Variants in SLC5A3 observed in about 807,000 individuals in gnomAD.
The protein encoded by SLC5A3 is solute carrier family 5 member 3, also known as sodium/myo-inositol cotransporter.
A neutral mutation model predicts 43.2 loss-of-function variants in SLC5A3; 10 were observed. The observed-to-expected ratio is 0.23, with a 90% CI of 0.14 to 0.39. SLC5A3 has a LOEUF of 0.39. Ranked by LOEUF, SLC5A3 falls within the 10% of genes least tolerant of loss-of-function variation. The pLI is 1.00. For missense variants in SLC5A3, 608 were observed against 893.4 expected, an observed-to-expected ratio of 0.68 and a Z score of 4.07; for synonymous variants, 349 against 322.0, an observed-to-expected ratio of 1.08 and a Z score of -0.90.
chr21:34,075,406 AT>A (rs952143575), intron 1 of SLC5A3, among the ~76,000 whole-genome samples: 9 of 151,292 alleles, frequency 5.9e-5, no homozygotes, highest in African/African-American at 1.9e-4. Flanking sequence ...TTCTTTTACC[AT>A]TTTTTTTTAT....
intron 1 of SLC5A3, among the ~76,000 whole-genome samples, chr21:34,086,133 T>C (rs1978361564): frequency 6.6e-6 from 1 of 152,206 alleles, no homozygotes; most frequent in Non-Finnish European, 1.5e-5. Flanking sequence ...GCTGGTCACT[T>C]ATGCTGTTTA....
chr21:34,076,835 TTA>T (rs369738006), intron 1 of SLC5A3, among the ~76,000 whole-genome samples: 105 of 152,306 alleles, frequency 6.9e-4, no homozygotes, highest in African/African-American at 2.2e-3. Context: ...TAAAAAGATT[TTA>T]AAAGTCCTGT....
At position 34,103,482 on chromosome 21, in the gene SLC5A3, G is replaced by T; in HGVS notation, c.*6127G>T. ...TATGTTCTGTGATCTTAATTTTGTT[G>T]TGTTTCCATTGTAGGTTGATAGGTA... On this transcript the variant is annotated 3_prime_UTR_variant, in exon 2 of 2. Transcript: ENST00000381151. The T allele has an allele frequency of 1.0e-6, 1 of 998,872 alleles. No individual in the cohort carries two copies. The highest frequency in any genetic ancestry group is 1.2e-6 in the Non-Finnish European group (1 of 828,820). 61.9% of individuals were successfully genotyped at this position (998,872 alleles called of 1,614,324 possible).
At chr21:34,080,281 C>T (rs1204967652) in intron 1 of SLC5A3, among the ~76,000 whole-genome samples, 1 of 152,222 alleles carries the variant, frequency 6.6e-6, no homozygotes, top group Non-Finnish European at 1.5e-5. Flanking sequence ...CTGCATACTT[C>T]TCATTTTCAA....
At chr21:34,080,495 A>G (rs567701583) in intron 1 of SLC5A3, among the ~76,000 whole-genome samples, 14 of 152,098 alleles carry the variant, frequency 9.2e-5, no homozygotes, top group African/African-American at 3.4e-4. Context: ...CCTTTCCACA[A>G]TACCCCACCA....
Position 34,094,852 on chromosome 21 carries a change from C to T in SLC5A3, c.-336-11C>T. ...CTTCAATCTTTGTCTTTTGTCTCTG[C>T]TGCCTTGCAGGGTTGGTACAGTAGG... On this transcript the variant is annotated splice_polypyrimidine_tract_variant and intron_variant, in intron 1 of 1. Transcript: ENST00000381151. 4.9e-6 allele frequency: 1 copy of T among 203,666 alleles called. No individual in the cohort carries two copies. Among genetic ancestry groups the T allele is most frequent in the Non-Finnish European group, 9.7e-6 (1 of 103,052 alleles). The allele number at this position is 203,666 out of a possible 1,614,324, so 12.6% of individuals were successfully genotyped here.
At chr21:34,093,238 ATT>A (rs761174952) in intron 1 of SLC5A3, among the ~76,000 whole-genome samples, 51 of 130,082 alleles carry the variant, frequency 3.9e-4, no homozygotes, top group Admixed American at 3.8e-4. Context: ...AACTTTTAAG[ATT>A]TTTTTTTTTT....
At position 34,105,447 on chromosome 21, in the gene SLC5A3, G is replaced by A. The variant is rs1602941469; in HGVS notation, c.*8092G>A. ...TCATTCATTTATTTTTAAGCCAAAT[G>A]TCAGCAGAGTGCTGCTGCTTTTATC... On this transcript the variant is annotated 3_prime_UTR_variant, in exon 2 of 2. Transcript: ENST00000381151. The A allele has an allele frequency of 1.0e-6, 1 of 998,636 alleles. No homozygotes were observed. Among genetic ancestry groups the A allele is most frequent in the East Asian group, 1.1e-4 (1 of 8,822 alleles). The allele number at this position is 998,636 out of a possible 1,614,324, so 61.9% of individuals were successfully genotyped here. A position where few individuals can be genotyped will look rare whatever the true frequency, so the allele number is the denominator to read the frequency against.
chr21:34,075,806 A>G (rs17658859), intron 1 of SLC5A3, among the ~76,000 whole-genome samples: 2,785 of 152,346 alleles, frequency 0.018, 31 homozygotes, highest in Non-Finnish European at 0.028. Flanking sequence ...GCTTGCTTTC[A>G]GTTTAGGAAA....
At chr21:34,087,674 T>G (rs538578114) in intron 1 of SLC5A3, among the ~76,000 whole-genome samples, 190 of 152,210 alleles carry the variant, frequency 1.2e-3, no homozygotes, top group Non-Finnish European at 2.4e-3. Context: ...AAGTGTTGCC[T>G]GCATAGGAAA....
In SLC5A3 at chr21:34,073,685, C is replaced by G. The variant is rs901590588; in HGVS notation, c.-397C>G. 3.3e-6 allele frequency: 5 copies of G among 1,518,294 alleles called. No individual in the cohort carries two copies. In the African/African-American group the frequency reaches 5.8e-5, roughly 18 times the overall value. The allele number at this position is 1,518,294 out of a possible 1,614,324, so 94.1% of individuals were successfully genotyped here. A position where few individuals can be genotyped will look rare whatever the true frequency, so the allele number is the denominator to read the frequency against. On this transcript the variant is annotated 5_prime_UTR_variant, in exon 1 of 2. Coordinates refer to ENST00000381151, the MANE Select transcript of SLC5A3 (RefSeq NM_006933.7). ...AACCGGCTGGCTTCCGAGCCGCACT[C>G]GCCGATCCTCCAGGCATGCCCCGCT... is the stretch of plus-strand genomic sequence containing the variant.
At chr21:34,079,604 T>TTA (rs1989414569) in intron 1 of SLC5A3, among the ~76,000 whole-genome samples, 2 of 5,816 alleles carry the variant, frequency 3.4e-4, no homozygotes, top group African/African-American at 5.0e-4. Context: ...CCCAGCTAAT[T>TTA]TTTTTTTTTT....
chr21:34,075,000 GAAGTT>G lies in SLC5A3; in HGVS notation c.-337+1259_-337+1263del, dbSNP rs1725543031. Reference sequence around the variant, plus strand: ...CAGCTTGTTCTTCATGGATTTGGAAGAAGTTAAGATAGTATCTGTTCAGCCTCTTG... The same window carrying G: ...CAGCTTGTTCTTCATGGATTTGGAAGAAGATAGTATCTGTTCAGCCTCTTG... On this transcript the variant is annotated intron_variant, in intron 1 of 1. Coordinates refer to ENST00000381151, the MANE Select transcript of SLC5A3 (RefSeq NM_006933.7). Among the ~76,000 whole-genome samples the G allele has an allele frequency of 7.2e-5, 11 of 152,320 alleles. No homozygotes were observed. In the South Asian group the frequency reaches 2.3e-3, roughly 32 times the overall value.
chr21:34,078,897 T>C (rs1210415967), intron 1 of SLC5A3, among the ~76,000 whole-genome samples: 1 of 152,244 alleles, frequency 6.6e-6, no homozygotes, highest in Non-Finnish European at 1.5e-5. Flanking sequence ...AGTTTATCTG[T>C]TTTTAGTGGA....
At chr21:34,091,230 C>T (rs893634145) in intron 1 of SLC5A3, among the ~76,000 whole-genome samples, 2 of 142,488 alleles carry the variant, frequency 1.4e-5, no homozygotes, top group Admixed American at 7.2e-5. Context: ...TGTTTGGTCA[C>T]GTTTAAGATT....
At chr21:34,078,954 A>G (rs1447413298) in intron 1 of SLC5A3, among the ~76,000 whole-genome samples, 1 of 152,226 alleles carries the variant, frequency 6.6e-6, no homozygotes, top group Non-Finnish European at 1.5e-5. Flanking sequence ...GTTACCTCTT[A>G]GGGGAATCCT....
intron 1 of SLC5A3, among the ~76,000 whole-genome samples, 158 bp downstream of exon 1, chr21:34,073,903 G>A (rs1250925242): frequency 1.4e-5 from 2 of 145,602 alleles, no homozygotes; most frequent in Non-Finnish European, 3.1e-5. Context: ...CCGCGGGAAG[G>A]GGGCGCGCGT....
chr21:34,102,345 T>C lies in SLC5A3; in HGVS notation c.*4990T>C. 3 of 999,770 alleles carry C rather than the reference T, an allele frequency of 3.0e-6. No individual in the cohort carries two copies. The highest frequency in any genetic ancestry group is 3.6e-6 in the Non-Finnish European group (3 of 829,584). 61.9% of individuals were successfully genotyped at this position (999,770 alleles called of 1,614,324 possible). A position where few individuals can be genotyped will look rare whatever the true frequency, so the allele number is the denominator to read the frequency against. On this transcript the variant is annotated 3_prime_UTR_variant, in exon 2 of 2. Coordinates refer to ENST00000381151, the MANE Select transcript of SLC5A3 (RefSeq NM_006933.7). The stretch of plus-strand genomic sequence containing the variant: ...AGGCTTTAAATTACTGATTCACCTT[T>C]AAAGGAATGTTGTGAGAATTGATGT...
intron 1 of SLC5A3, among the ~76,000 whole-genome samples, chr21:34,093,977 CT>C (rs935858958): frequency 1.3e-5 from 2 of 152,122 alleles, no homozygotes; most frequent in Non-Finnish European, 2.9e-5. Context: ...CTTTTCTCTG[CT>C]TCTTATACCC....
Sources: gnomAD v4.1 joint callset for allele counts (sites outside exome capture counted in the v4.1 genomes callset) on GRCh38, gnomAD v4.1.1 for gene constraint, MANE v1.5 for transcripts, NCBI Gene and HGNC (gene_info 2026-07-23, HGNC 2026-07-21) for gene names.